The following CEP192 variants were observed in gnomAD, a reference collection of about 807,000 sequenced individuals.
CEP192 encodes centrosomal protein 192.
A neutral mutation model predicts 271.8 loss-of-function variants in CEP192; 151 were observed. The observed-to-expected ratio is 0.56, with a 90% CI of 0.49 to 0.64. CEP192 has a LOEUF of 0.64. CEP192 is among the 30% of genes least tolerant of loss of function. The pLI is 0.00. For synonymous variants in CEP192, 995 were observed against 1,076.5 expected (o/e 0.92, Z 1.48); for missense variants, 2,910 against 3,020.5 (o/e 0.96, Z 0.86).
chr18:13,099,638 A>C, intron 37 of CEP192, 57 bp downstream of exon 37: 1 of 832,864 alleles, frequency 1.2e-6, no homozygotes, highest in Non-Finnish European at 2.0e-6. Context: ...TTGTAGCTTC[A>C]GTTTTATAAT....
At chr18:13,121,658 A>C (rs1193170680) in intron 44 of CEP192, among the ~76,000 whole-genome samples, 1 of 152,180 alleles carries the variant, frequency 6.6e-6, no homozygotes, top group Non-Finnish European at 1.5e-5. Flanking sequence ...TTATGTTTCT[A>C]CTTAGTCCCC....
At chr18:13,101,327 C>T (rs967093966) in intron 38 of CEP192, among the ~76,000 whole-genome samples, 13 of 152,086 alleles carry the variant, frequency 8.5e-5, no homozygotes, top group African/African-American at 1.9e-4. Flanking sequence ...AAGGCAGGCT[C>T]GGCTTAGGGT....
chr18:13,002,063 AT>A (rs912989064), intron 3 of CEP192, among the ~76,000 whole-genome samples: 13 of 151,450 alleles, frequency 8.6e-5, no homozygotes, highest in African/African-American at 2.4e-4. Flanking sequence ...CTTTCAAAAC[AT>A]TTTTTTTTAG....
chr18:13,075,852 C>A (rs2038245096), intron 30 of CEP192, among the ~76,000 whole-genome samples: 1 of 152,142 alleles, frequency 6.6e-6, no homozygotes, highest in Non-Finnish European at 1.5e-5. Context: ...GTGGTAGACA[C>A]AAGGTTCAAA....
At position 13,089,442 on chromosome 18, in the gene CEP192, A is replaced by G; in HGVS notation, c.5994-14A>G. On this transcript the variant is annotated splice_polypyrimidine_tract_variant and intron_variant, in intron 32 of 44. Coordinates refer to ENST00000506447, the MANE Select transcript of CEP192 (RefSeq NM_032142.4). ...CGTCACTTTTAAATAATAAAAAAAA[A>G]TCTCTCCTGGCAGGGCCCTGTTACA... 1.5e-6 allele frequency: 2 copies of G among 1,338,168 alleles called. No individual in the cohort carries two copies. The highest frequency in any genetic ancestry group is 2.1e-6 in the Non-Finnish European group (2 of 964,626). The allele number at this position is 1,338,168 out of a possible 1,614,324, so 82.9% of individuals were successfully genotyped here.
intron 12 of CEP192, among the ~76,000 whole-genome samples, chr18:13,038,015 T>C (rs1308358451): frequency 1.3e-5 from 2 of 152,206 alleles, no homozygotes; most frequent in South Asian, 2.1e-4. Flanking sequence ...ATTCTTCTTA[T>C]TATTTTTCAG....
In CEP192 at chr18:13,116,436, C is replaced by G. The variant is rs181313442; in HGVS notation, c.7349C>G (p.Pro2450Arg). ...CCAGAGGATGTGTACAGGTTCCGGC[C>G]GACTAGTGTGGGGGAATCACGGACA... is the stretch of plus-strand genomic sequence containing the variant. ...YAPEDVYRFR[P>R]TSVGESRTLK... The change falls in exon 43 of 45, where the codon CCG (proline) becomes CGG (arginine). Residue 2450 changes from proline (P) to arginine (R), a missense_variant. Physicochemically the swap from Pro to Arg is moderately radical, Grantham distance 103. Coordinates refer to ENST00000506447, the MANE Select transcript of CEP192 (RefSeq NM_032142.4). 1 of 1,612,144 alleles carries G rather than the reference C, an allele frequency of 6.2e-7. No individual in the cohort carries two copies. The highest frequency in any genetic ancestry group is 1.1e-5 in the South Asian group (1 of 90,488).
At chr18:13,107,682 G>A (rs1312853620) in intron 40 of CEP192, among the ~76,000 whole-genome samples, 2 of 152,156 alleles carry the variant, frequency 1.3e-5, no homozygotes, top group Non-Finnish European at 2.9e-5. Context: ...GCAGCCTGAA[G>A]CTATTCTGAA....
chr18:13,067,022 C>A (rs1233005135), intron 21 of CEP192, among the ~76,000 whole-genome samples: 2 of 148,320 alleles, frequency 1.3e-5, no homozygotes, highest in African/African-American at 5.1e-5. Flanking sequence ...AGTCTGTCTT[C>A]TGTATCTGTG....
At chr18:13,073,228 C>G (rs762761068) in intron 30 of CEP192, 43 bp downstream of exon 30, 57 of 1,489,346 alleles carry the variant, frequency 3.8e-5, no homozygotes, top group Non-Finnish European at 5.2e-5. Context: ...GGAGTTTATG[C>G]CATTTTATAA....
intron 1 of CEP192, among the ~76,000 whole-genome samples, chr18:12,994,924 A>C (rs550712973): frequency 1.3e-5 from 2 of 152,188 alleles, no homozygotes; most frequent in Non-Finnish European, 2.9e-5. Context: ...GAGTTGTGAA[A>C]GTATGGATTA....
intron 27 of CEP192, 120 bp downstream of exon 27, chr18:13,069,976 C>T (rs1332512145): frequency 3.3e-6 from 2 of 600,106 alleles, no homozygotes; most frequent in Non-Finnish European, 6.0e-6. Context: ...GCTTGGGCAA[C>T]ATGGCGAAAT....
chr18:13,001,595 C>T lies in CEP192; in HGVS notation c.290+13C>T, dbSNP rs2033648534. ...TCCAGGATGATGAGTAAGTTCATAC[C>T]TTCATTTGCTTGTACTGTGTTAAAA... On this transcript the variant is annotated intron_variant, in intron 3 of 44. Transcript: ENST00000506447. 1 of 1,541,266 alleles carries T rather than the reference C, an allele frequency of 6.5e-7. No individual in the cohort carries two copies.
intron 5 of CEP192, among the ~76,000 whole-genome samples, chr18:13,014,970 G>C (rs2034559653): frequency 6.6e-6 from 1 of 152,154 alleles, no homozygotes; most frequent in Admixed American, 6.5e-5. Context: ...TTAGATACAG[G>C]CTGCCTGGTC....
intron 15 of CEP192, among the ~76,000 whole-genome samples, chr18:13,043,418 A>T (rs1289976814): frequency 6.6e-6 from 1 of 152,204 alleles, no homozygotes; most frequent in African/African-American, 2.4e-5. Context: ...TAAATCAAAT[A>T]CCATGACATC....
At position 13,052,919 on chromosome 18, in the gene CEP192, G is replaced by A; in HGVS notation, c.3018G>A (p.Gly1006=). 1 of 1,587,746 alleles carries A rather than the reference G, an allele frequency of 6.3e-7. No homozygotes were observed. Among genetic ancestry groups the A allele is most frequent in the South Asian group, 1.1e-5 (1 of 87,858 alleles). ...PSEISGTSSS[G]CALESFGSAA... is the part of the protein sequence containing the mutation. The stretch of plus-strand genomic sequence containing the variant: ...GGTGTGAGCTACTCTTCTCTTTCAG[G>A]TGTGCGTTAGAGTCCTTTGGTTCAG... The change falls in exon 18 of 45, where the codon GGG becomes GGA. Residue 1006 remains glycine (G), a splice_region_variant and synonymous_variant. Coordinates refer to ENST00000506447, the MANE Select transcript of CEP192 (RefSeq NM_032142.4).
At position 13,017,189 on chromosome 18, in the gene CEP192, T is replaced by A. The variant is rs1251508776; in HGVS notation, c.642T>A (p.Asp214Glu). The A allele has an allele frequency of 6.5e-7, 1 of 1,539,138 alleles. No individual in the cohort carries two copies. Among genetic ancestry groups the A allele is most frequent in the Non-Finnish European group, 8.8e-7 (1 of 1,142,660 alleles). Residue 214 changes from aspartate (D) to glutamate (E), a missense_variant and splice_region_variant, in exon 7 of 45, where the codon GAT becomes GAA. Transcript: ENST00000506447. ...GTTTTTTCTCGATTTTATCAATAGA[T>A]GATGATATTGATGATGAAATGTTTT... ...ILPTSLEDSS[D>E]DDIDDEMFYD...
rs538480016 is a variant in CEP192 at position 13,006,709 on chromosome 18, A to G, written c.291-1747A>G. ...GGGCATCCTTATCTGTTGTGTATGT[A>G]GCTCTTATTTCTCATTGGCTTCCAC... On this transcript the variant is annotated intron_variant, in intron 3 of 44. Transcript: ENST00000506447. Among the ~76,000 whole-genome samples, 10 of 151,964 alleles carry G rather than the reference A, an allele frequency of 6.6e-5. No individual in the cohort carries two copies. In the South Asian group the frequency reaches 1.7e-3, roughly 25 times the overall value.
Position 13,071,178 on chromosome 18 carries a change from C to G in CEP192, c.5314C>G (p.Leu1772Val). Residue 1772 changes from leucine (L) to valine (V), a missense_variant, in exon 28 of 45, where the codon CTG becomes GTG. By Grantham distance (32) the Leu-to-Val change is conservative. Coordinates refer to ENST00000506447, the MANE Select transcript of CEP192 (RefSeq NM_032142.4). ...IPSILSNKQF[L>V]AWGGVPLGRT... Reference sequence around the variant, plus strand: ...ATCGATTTTGTCCAACAAACAATTTCTGGCTTGGGGAGGAGTCCCTCTAGG... The same window carrying G: ...ATCGATTTTGTCCAACAAACAATTTGTGGCTTGGGGAGGAGTCCCTCTAGG... The G allele has an allele frequency of 1.2e-6, 2 of 1,614,152 alleles. No homozygotes were observed. Among genetic ancestry groups the G allele is most frequent in the Middle Eastern group, 1.6e-4 (1 of 6,062 alleles).
Sources: allele counts gnomAD v4.1 joint callset (sites outside exome capture counted in the v4.1 genomes callset), GRCh38; gene constraint gnomAD v4.1.1; transcripts MANE v1.5; gene names NCBI Gene and HGNC (gene_info 2026-07-23, HGNC 2026-07-21).